The following NPAS2 variants were observed in gnomAD, a reference collection of about 807,000 sequenced individuals.
The protein encoded by NPAS2 is neuronal PAS domain protein 2, also known as neuronal PAS domain-containing protein 2.
Under a neutral mutation model 107.5 loss-of-function variants are expected in NPAS2, and 23 were observed. The observed-to-expected ratio is 0.21, with a 90% CI of 0.15 to 0.30. The LOEUF is 0.30. Ranked by LOEUF, NPAS2 falls within the 10% of genes least tolerant of loss-of-function variation. The pLI, the probability that NPAS2 is intolerant of heterozygous loss-of-function variation, is 1.00. For synonymous variants in NPAS2, 403 were observed against 417.5 expected (o/e 0.97, Z 0.42); for missense variants, 756 against 1,043.3 (o/e 0.72, Z 3.79).
chr2:100,990,750 A>C, intron 18 of NPAS2, 30 bp from the exon 19 acceptor site: 1 of 1,588,920 alleles, frequency 6.3e-7, no homozygotes, highest in South Asian at 1.1e-5. Context: ...GGTGCTGATC[A>C]GTTTCCTATT....
Position 100,990,374 on chromosome 2 carries a change from C to T in NPAS2, c.1946C>T (p.Thr649Ile). 1 of 1,614,230 alleles carries T rather than the reference C, an allele frequency of 6.2e-7. No individual in the cohort carries two copies. The change falls in exon 18 of 21, where the codon ACA becomes ATA. Residue 649 changes from threonine (T) to isoleucine (I), a missense_variant. Physicochemically the swap from Thr to Ile is moderately conservative, Grantham distance 89. Coordinates refer to ENST00000335681, the MANE Select transcript of NPAS2 (RefSeq NM_002518.4). ...AALPPSLNLTTPASTSQDASQ... is the reference protein window; with the variant it reads ...AALPPSLNLTIPASTSQDASQ... The stretch of plus-strand genomic sequence containing the variant: ...CTCCCGCCAAGTCTGAATCTGACCA[C>T]ACCTGCTTCCACCTCCCAGGATGCC...
intron 15 of NPAS2, among the ~76,000 whole-genome samples, chr2:100,978,572 T>C (rs936232337): frequency 7.2e-5 from 11 of 152,212 alleles, no homozygotes; most frequent in Non-Finnish European, 1.0e-4. Flanking sequence ...ATTACGGCTT[T>C]GCTGAGTAAT....
intron 15 of NPAS2, among the ~76,000 whole-genome samples, chr2:100,981,544 A>G (rs1677439074): frequency 6.6e-6 from 1 of 152,158 alleles, no homozygotes; most frequent in Admixed American, 6.5e-5. Flanking sequence ...GTCCAAAGGA[A>G]GGGGAGACCC....
At chr2:100,907,955 C>T (rs1034248866) in intron 2 of NPAS2, among the ~76,000 whole-genome samples, 1 of 152,128 alleles carries the variant, frequency 6.6e-6, no homozygotes, top group African/African-American at 2.4e-5. Flanking sequence ...TAATGAAGTT[C>T]ACAGCTTTTT....
chr2:100,882,768 G>A (rs1680452783), intron 1 of NPAS2, among the ~76,000 whole-genome samples: 1 of 152,214 alleles, frequency 6.6e-6, no homozygotes, highest in Non-Finnish European at 1.5e-5. Flanking sequence ...CCTGGGTGAA[G>A]TGTCTCTCTC....
At chr2:100,835,658 C>G (rs1454987778) in intron 1 of NPAS2, among the ~76,000 whole-genome samples, 1 of 152,174 alleles carries the variant, frequency 6.6e-6, no homozygotes, top group African/African-American at 2.4e-5. Context: ...TGTCTCTCCT[C>G]ATTTTGGAGT....
chr2:100,921,544 T>C lies in NPAS2; in HGVS notation c.33-3602T>C, dbSNP rs539479402. On this transcript the variant is annotated intron_variant, in intron 2 of 20. Transcript: ENST00000335681. ...CCCTTCCTCCCTCCCTTGGTCTCTCTCTTACTCTCTCTTTCTTAAACTCAA... is the reference window on the plus strand; with the variant it reads ...CCCTTCCTCCCTCCCTTGGTCTCTCCCTTACTCTCTCTTTCTTAAACTCAA... Among the ~76,000 whole-genome samples the C allele has an allele frequency of 7.2e-5, 11 of 152,288 alleles. No individual in the cohort carries two copies. In the East Asian group the frequency reaches 2.1e-3, roughly 29 times the overall value.
At chr2:100,873,840 T>C (rs1679781011) in intron 1 of NPAS2, among the ~76,000 whole-genome samples, 1 of 152,162 alleles carries the variant, frequency 6.6e-6, no homozygotes, top group Non-Finnish European at 1.5e-5. Flanking sequence ...CCTGCCCTGT[T>C]CCTCCCCATC....
chr2:100,992,037 T>A (rs1247597954), intron 19 of NPAS2, among the ~76,000 whole-genome samples: 3 of 152,212 alleles, frequency 2.0e-5, no homozygotes, highest in Non-Finnish European at 4.4e-5. Context: ...ATCTGTAAAG[T>A]TCCGTTCATG....
At chr2:100,936,604 A>G (rs1684315960) in intron 4 of NPAS2, among the ~76,000 whole-genome samples, 3 of 152,164 alleles carry the variant, frequency 2.0e-5, no homozygotes, top group Admixed American at 2.0e-4. Context: ...TGTCGTCTTT[A>G]TTTTAGAAAT....
rs1683482765 is a variant in NPAS2 at position 100,925,233 on chromosome 2, G to A, written c.120G>A (p.Thr40=). Residue 40 remains threonine, a synonymous_variant, in exon 3 of 21, where the codon ACG becomes ACA. Transcript: ENST00000335681. Reference sequence around the variant, plus strand: ...TCAGTTCCATGCTCCCTGGCAACACGCGGAAAATGGACAAAACCACCGTGT... The same window carrying A: ...TCAGTTCCATGCTCCCTGGCAACACACGGAAAATGGACAAAACCACCGTGT... ...KELSSMLPGN[T]RKMDKTTVLE... 5.6e-6 allele frequency: 9 copies of A among 1,614,026 alleles called. No homozygotes were observed. The highest frequency in any genetic ancestry group is 4.5e-5 in the East Asian group (2 of 44,870).
intron 12 of NPAS2, among the ~76,000 whole-genome samples, chr2:100,972,233 C>T (rs897778617): frequency 6.6e-6 from 1 of 152,198 alleles, no homozygotes; most frequent in Non-Finnish European, 1.5e-5. Flanking sequence ...CAGGCGTGAG[C>T]CACTGTGCCT....
intron 18 of NPAS2, 111 bp downstream of exon 18, chr2:100,990,557 T>C: frequency 8.1e-7 from 1 of 1,242,154 alleles, no homozygotes; most frequent in Non-Finnish European, 1.1e-6. Flanking sequence ...TTCTAAAGTG[T>C]CCACAGTTGA....
intron 2 of NPAS2, among the ~76,000 whole-genome samples, chr2:100,920,696 G>A (rs1312095893): frequency 6.6e-6 from 1 of 152,204 alleles, no homozygotes; most frequent in Non-Finnish European, 1.5e-5. Flanking sequence ...TGCCAAGGGA[G>A]GTGAATGGAA....
At chr2:100,837,764 A>T (rs948117008) in intron 1 of NPAS2, among the ~76,000 whole-genome samples, 2 of 152,306 alleles carry the variant, frequency 1.3e-5, no homozygotes, top group South Asian at 4.1e-4. Context: ...TTTCAAGCTG[A>T]AGTAAAGAAC....
At chr2:100,850,039 C>CAAAAAAAAAAAAAAAAAAAAA (rs1491345726) in intron 1 of NPAS2, among the ~76,000 whole-genome samples, 3 of 40,610 alleles carry the variant, frequency 7.4e-5, no homozygotes, top group African/African-American at 1.1e-4. Context: ...AAAAAAAAAG[C>CAAAAAAAAAAAAAAAAAAAAA]AAGAGAAAAT....
In NPAS2 at chr2:100,867,665, G is replaced by T. The variant is rs138943511; in HGVS notation, c.-22-37068G>T. On this transcript the variant is annotated intron_variant, in intron 1 of 20. Transcript: ENST00000335681. ...ACTCTTAAATCTTTTTAACTGGAGA[G>T]ATTATATGTTTATTATGATTACTAA... 9.9e-3 allele frequency among the ~76,000 whole-genome samples: 1,509 copies of T among 152,216 alleles called. 19 individuals are homozygous for T. The highest frequency in any genetic ancestry group is 0.017 in the Non-Finnish European group (1,140 of 68,010).
At chr2:100,916,518 T>C (rs1487711576) in intron 2 of NPAS2, among the ~76,000 whole-genome samples, 1 of 152,134 alleles carries the variant, frequency 6.6e-6, no homozygotes, top group Non-Finnish European at 1.5e-5. Flanking sequence ...AGAGTGACAT[T>C]ACGTATGATA....
intron 18 of NPAS2, 94 bp downstream of exon 18, chr2:100,990,540 A>T: frequency 7.3e-7 from 1 of 1,361,392 alleles, no homozygotes; most frequent in Non-Finnish European, 1.0e-6. Flanking sequence ...GGCAGAGTTC[A>T]GACAGATTCT....
Sources: gnomAD v4.1 joint callset for allele counts (sites outside exome capture counted in the v4.1 genomes callset) on GRCh38, gnomAD v4.1.1 for gene constraint, MANE v1.5 for transcripts, NCBI Gene and HGNC (gene_info 2026-07-23, HGNC 2026-07-21) for gene names.